SEC24D: variants seen among roughly 807,000 people sequenced by gnomAD.
SEC24D encodes the protein protein transport protein Sec24D.
A neutral mutation model predicts 116.9 loss-of-function variants in SEC24D; 69 were observed. The observed-to-expected ratio is 0.59, with a 90% CI of 0.49 to 0.72. The LOEUF (loss-of-function observed/expected upper bound fraction) is 0.72, where lower values mean the gene tolerates loss of function less well. SEC24D is among the 30% of genes least tolerant of loss of function. The pLI, the probability that SEC24D is intolerant of heterozygous loss-of-function variation, is 0.00. For synonymous variants in SEC24D, 405 were observed against 442.8 expected (o/e 0.91, Z 1.07); for missense variants, 1,131 against 1,264.1 (o/e 0.89, Z 1.60).
chr4:118,768,519 C>T (rs1223802237), intron 8 of SEC24D, among the ~76,000 whole-genome samples: 4 of 151,970 alleles, frequency 2.6e-5, no homozygotes, highest in African/African-American at 9.7e-5. Flanking sequence ...CTCAGCCTCC[C>T]GAGTGGCTGT....
At chr4:118,787,451 C>T (rs1157267570) in intron 8 of SEC24D, among the ~76,000 whole-genome samples, 1 of 152,184 alleles carries the variant, frequency 6.6e-6, no homozygotes, top group Non-Finnish European at 1.5e-5. Context: ...ATACTTATCA[C>T]TAAACTAGCT....
chr4:118,833,637 G>T lies in SEC24D; in HGVS notation c.60C>A (p.Gly20=). ...PPYSQPQPGI[G]LSPPHYGHYG... is the part of the protein sequence containing the mutation. ...AGTGCCCATAATGAGGTGGAGAAAG[G>T]CCTATTCCAGGCTGAGGCTGAGAAT... Residue 20 remains glycine, a synonymous_variant, in exon 2 of 23, where the codon GGC becomes GGA. Transcript: ENST00000280551. 2.5e-6 allele frequency: 4 copies of T among 1,614,132 alleles called. No individual in the cohort carries two copies. The highest frequency in any genetic ancestry group is 3.4e-6 in the Non-Finnish European group (4 of 1,179,988).
intron 10 of SEC24D, among the ~76,000 whole-genome samples, chr4:118,762,525 A>G (rs572061980): frequency 3.4e-4 from 51 of 149,966 alleles, no homozygotes; most frequent in African/African-American, 1.2e-3. Context: ...ACCATCTAAA[A>G]TCAACATTAA....
chr4:118,774,183 T>C (rs958148210), intron 8 of SEC24D, among the ~76,000 whole-genome samples: 1 of 152,068 alleles, frequency 6.6e-6, no homozygotes, highest in Non-Finnish European at 1.5e-5. Flanking sequence ...ACTTGGGAGA[T>C]TGTTTTCCTT....
intron 15 of SEC24D, 148 bp downstream of exon 15, chr4:118,743,840 G>C (rs1726356141): frequency 5.9e-6 from 4 of 675,018 alleles, no homozygotes; most frequent in Admixed American, 6.7e-5. Flanking sequence ...TTATAAAAAG[G>C]ACCAACGGTA....
chr4:118,800,919 T>G (rs1204246178), intron 7 of SEC24D, among the ~76,000 whole-genome samples: 1 of 152,038 alleles, frequency 6.6e-6, no homozygotes, highest in East Asian at 1.9e-4. Flanking sequence ...GATGAGGAGT[T>G]GAGACCAACC....
chr4:118,816,687 T>C, intron 4 of SEC24D: 1 of 333,892 alleles, frequency 3.0e-6, no homozygotes, highest in Non-Finnish European at 5.9e-6. Context: ...GAAACATTCT[T>C]CATCTAGATA....
At chr4:118,769,995 G>A (rs1001294651) in intron 8 of SEC24D, among the ~76,000 whole-genome samples, 5 of 152,186 alleles carry the variant, frequency 3.3e-5, no homozygotes, top group Non-Finnish European at 1.5e-5. Context: ...TCTTTGACAG[G>A]AGGGCAAGTA....
intron 19 of SEC24D, among the ~76,000 whole-genome samples, chr4:118,733,858 T>G (rs1185718476): frequency 6.6e-6 from 1 of 152,084 alleles, no homozygotes; most frequent in Non-Finnish European, 1.5e-5. Context: ...ATAATCTACC[T>G]GTACCTTCTC....
In SEC24D at chr4:118,834,588, A is replaced by T. The variant is rs1024498676; in HGVS notation, c.-41-851T>A. ...AGATATTTCATAGGACTGATGATTT[A>T]AAAAAAAAAATTAAATACGACAGAA... On this transcript the variant is annotated intron_variant, in intron 1 of 22. Coordinates refer to ENST00000280551, the MANE Select transcript of SEC24D (RefSeq NM_014822.4). Among the ~76,000 whole-genome samples, 13 of 123,254 alleles carry T rather than the reference A, an allele frequency of 1.1e-4. No individual in the cohort carries two copies. In the East Asian group the frequency reaches 1.3e-3, roughly 12 times the overall value. 80.9% of individuals were successfully genotyped at this position (123,254 alleles called of 152,430 possible). A position where few individuals can be genotyped will look rare whatever the true frequency, so the allele number is the denominator to read the frequency against.
intron 3 of SEC24D, among the ~76,000 whole-genome samples, chr4:118,820,203 G>A (rs36096663): frequency 0.34 from 49,345 of 144,210 alleles, 9,761 homozygotes; most frequent in East Asian, 0.55. Flanking sequence ...TTTTTGAGAC[G>A]GAGTTTCGCT....
chr4:118,772,290 G>A (rs1055245836), intron 8 of SEC24D, among the ~76,000 whole-genome samples: 2 of 152,196 alleles, frequency 1.3e-5, no homozygotes, highest in Non-Finnish European at 2.9e-5. Flanking sequence ...TAAAAATTAA[G>A]GCTGTATATA....
At chr4:118,765,333 T>A (rs571613675) in intron 9 of SEC24D, among the ~76,000 whole-genome samples, 23 of 152,256 alleles carry the variant, frequency 1.5e-4, no homozygotes, top group Non-Finnish European at 3.2e-4. Context: ...CAATATTTAT[T>A]ATGCTTTAAT....
At chr4:118,723,999 C>T (rs1725280916) in intron 22 of SEC24D, among the ~76,000 whole-genome samples, 1 of 152,110 alleles carries the variant, frequency 6.6e-6, no homozygotes, top group African/African-American at 2.4e-5. Flanking sequence ...ACCAGAGATA[C>T]AATTATGGCT....
At chr4:118,765,037 G>T in intron 9 of SEC24D, 120 bp from the exon 10 acceptor site, 3 of 631,752 alleles carry the variant, frequency 4.7e-6, no homozygotes, top group African/African-American at 1.8e-5. Flanking sequence ...GTATTTTAAA[G>T]CTGGAATGTA....
At position 118,768,302 on chromosome 4, in the gene SEC24D, A is replaced by G. The variant is rs1030252912; in HGVS notation, c.1051T>C (p.Tyr351His). The change falls in exon 9 of 23, where the codon TAC becomes CAC. Residue 351 changes from tyrosine to histidine, a missense_variant. Transcript: ENST00000280551. ...CCACTCTCGCCGTGATTTACCAAGT[A>G]AAGGGGACTCTATGGAGAAGCAAGA... ...ATIPSNESPL[Y>H]LVNHGESGPV... The G allele has an allele frequency of 1.2e-6, 2 of 1,613,414 alleles. No individual in the cohort carries two copies. The highest frequency in any genetic ancestry group is 1.7e-6 in the Non-Finnish European group (2 of 1,179,702).
Position 118,732,784 on chromosome 4 carries a change from G to A in SEC24D, c.2625C>T (p.Thr875=), listed in dbSNP as rs1725756791. ...AAAGCTGAGAGTCAGCCACACCCATGGTCATGACCAGCTGTCTCTGGTATG... is the reference window on the plus strand; with the variant it reads ...AAAGCTGAGAGTCAGCCACACCCATAGTCATGACCAGCTGTCTCTGGTATG... ...ERAYQRQLVM[T]MGVADSQLFF... The change falls in exon 20 of 23, where the codon ACC becomes ACT. Residue 875 remains threonine (T), a synonymous_variant. Transcript: ENST00000280551. 6.2e-7 allele frequency: 1 copy of A among 1,613,984 alleles called. No homozygotes were observed. The highest frequency in any genetic ancestry group is 8.5e-7 in the Non-Finnish European group (1 of 1,179,976).
intron 12 of SEC24D, 47 bp from the exon 13 acceptor site, chr4:118,752,136 T>A (rs1331926839): frequency 8.1e-7 from 1 of 1,234,858 alleles, no homozygotes; most frequent in African/African-American, 1.5e-5. Flanking sequence ...TAGCATATTT[T>A]AATAAACTTC....
At chr4:118,820,651 G>A (rs1730362075) in intron 3 of SEC24D, among the ~76,000 whole-genome samples, 1 of 137,878 alleles carries the variant, frequency 7.3e-6, no homozygotes, top group South Asian at 2.6e-4. Context: ...CATGTGAAAT[G>A]GAGTGATCCC....
Sources: allele counts gnomAD v4.1 joint callset (sites outside exome capture counted in the v4.1 genomes callset), GRCh38; gene constraint gnomAD v4.1.1; transcripts MANE v1.5; gene names NCBI Gene and HGNC (gene_info 2026-07-23, HGNC 2026-07-21).